CSMD3: variants seen among roughly 807,000 people sequenced by gnomAD.
The protein encoded by CSMD3 is CUB and sushi domain-containing protein 3.
In CSMD3, 177 loss-of-function variants were observed where a neutral mutation model predicts 435.2. The observed-to-expected ratio is 0.41, with a 90% CI of 0.36 to 0.46. The LOEUF is 0.46. CSMD3 is among the 20% of genes least tolerant of loss of function. The pLI, the probability that CSMD3 is intolerant of heterozygous loss-of-function variation, is 0.34. For missense variants in CSMD3, 4,265 were observed against 4,504.6 expected, an observed-to-expected ratio of 0.95 and a Z score of 1.52; for synonymous variants, 1,656 against 1,520.5, an observed-to-expected ratio of 1.09 and a Z score of -2.07.
At chr8:112,325,324 G>A (rs1420609128) in intron 45 of CSMD3, among the ~76,000 whole-genome samples, 1 of 151,940 alleles carries the variant, frequency 6.6e-6, no homozygotes, top group Non-Finnish European at 1.5e-5. Context: ...TCATTTTCTT[G>A]AAATCTATCT....
intron 1 of CSMD3, among the ~76,000 whole-genome samples, chr8:113,363,066 G>T (rs2094287897): frequency 6.6e-6 from 1 of 152,122 alleles, no homozygotes. Flanking sequence ...TCCTCAATGT[G>T]TGTGTAAACA....
At chr8:112,850,739 A>G (rs1427537553) in intron 11 of CSMD3, among the ~76,000 whole-genome samples, 1 of 152,190 alleles carries the variant, frequency 6.6e-6, no homozygotes, top group Non-Finnish European at 1.5e-5. Context: ...TTCACTTTCT[A>G]TGTCTACACA....
chr8:112,729,819 G>T (rs532421639), intron 13 of CSMD3, among the ~76,000 whole-genome samples: 51 of 152,178 alleles, frequency 3.4e-4, no homozygotes, highest in African/African-American at 1.1e-3. Context: ...ACTGGAAGAG[G>T]CAAGGAACTG....
chr8:112,861,366 T>C (rs139124748), intron 10 of CSMD3, among the ~76,000 whole-genome samples: 7 of 151,934 alleles, frequency 4.6e-5, no homozygotes, highest in Non-Finnish European at 8.8e-5. Context: ...TATAAAATTA[T>C]TCCTGTGAGG....
chr8:112,626,599 G>A (rs745891523), intron 22 of CSMD3, among the ~76,000 whole-genome samples: 1 of 151,988 alleles, frequency 6.6e-6, no homozygotes, highest in African/African-American at 2.4e-5. Context: ...ATATGATAAT[G>A]ACCTTTGTTC....
intron 1 of CSMD3, among the ~76,000 whole-genome samples, chr8:113,331,874 G>A (rs911157025): frequency 2.0e-5 from 3 of 151,668 alleles, no homozygotes; most frequent in African/African-American, 2.4e-5. Flanking sequence ...GGAACAGAAC[G>A]AGGATATTCA....
intron 28 of CSMD3, among the ~76,000 whole-genome samples, chr8:112,511,184 C>T (rs1185085144): frequency 6.6e-6 from 1 of 151,970 alleles, no homozygotes; most frequent in Non-Finnish European, 1.5e-5. Flanking sequence ...CTATTAAGTG[C>T]ATAACAGCAT....
chr8:112,995,337 A>G (rs1451240849), intron 6 of CSMD3, among the ~76,000 whole-genome samples: 1 of 151,498 alleles, frequency 6.6e-6, no homozygotes, highest in Admixed American at 6.6e-5. Flanking sequence ...TAGTTTTGGT[A>G]TAATAATGTG....
chr8:112,370,703 C>A (rs921888192), intron 38 of CSMD3, among the ~76,000 whole-genome samples: 1 of 150,044 alleles, frequency 6.7e-6, no homozygotes, highest in African/African-American at 2.4e-5. Context: ...TTATCCCTAG[C>A]ACTCCTGATC....
In CSMD3 at chr8:113,213,499, A is replaced by T. The variant is rs541799139; in HGVS notation, c.515-39583T>A. ...AAATAAAAACTTCACAGAAATTATTATTCTTTTGTGTGTTTTTTTTTTAGT... is the reference window on the plus strand; with the variant it reads ...AAATAAAAACTTCACAGAAATTATTTTTCTTTTGTGTGTTTTTTTTTTAGT... On this transcript the variant is annotated intron_variant, in intron 3 of 70. Transcript: ENST00000297405. Among the ~76,000 whole-genome samples the T allele has an allele frequency of 4.5e-4, 69 of 151,722 alleles. No individual in the cohort carries two copies. In the East Asian group the frequency reaches 0.012, roughly 27 times the overall value.
chr8:113,376,949 A>C, intron 1 of CSMD3: 2 of 1,370,508 alleles, frequency 1.5e-6, no homozygotes, highest in Admixed American at 4.0e-5. Flanking sequence ...CGGGTTCAGG[A>C]GGTGCCCAAA....
chr8:112,336,049 AC>A (rs1249844955), intron 44 of CSMD3, among the ~76,000 whole-genome samples: 5 of 151,946 alleles, frequency 3.3e-5, no homozygotes, highest in Non-Finnish European at 5.9e-5. Flanking sequence ...AATAGCTGGG[AC>A]CACAGGCGCA....
chr8:113,273,400 T>C (rs2093545546), intron 3 of CSMD3, among the ~76,000 whole-genome samples: 1 of 152,026 alleles, frequency 6.6e-6, no homozygotes, highest in South Asian at 2.1e-4. Flanking sequence ...ATAACCAAGA[T>C]CGGAAAATAT....
chr8:112,416,204 G>A (rs1207891836), intron 32 of CSMD3, among the ~76,000 whole-genome samples: 1 of 152,092 alleles, frequency 6.6e-6, no homozygotes, highest in Non-Finnish European at 1.5e-5. Flanking sequence ...TCATGAGGGT[G>A]GTTTCCCCAT....
At chr8:113,185,253 G>A (rs1421861913) in intron 3 of CSMD3, among the ~76,000 whole-genome samples, 2 of 151,798 alleles carry the variant, frequency 1.3e-5, no homozygotes, top group African/African-American at 2.4e-5. Flanking sequence ...TTCTTGTTTC[G>A]ATCACTTGTA....
chr8:113,315,695 TTAAA>T (rs2093904389), intron 1 of CSMD3, among the ~76,000 whole-genome samples: 1 of 148,242 alleles, frequency 6.7e-6, no homozygotes, highest in African/African-American at 2.5e-5. Context: ...CAAATGTATA[TTAAA>T]TATATATCAA....
chr8:112,339,232 C>G (rs1178870305), intron 42 of CSMD3, among the ~76,000 whole-genome samples: 3 of 151,926 alleles, frequency 2.0e-5, no homozygotes, highest in African/African-American at 7.2e-5. Context: ...ACCTTAGCCT[C>G]TGATTGGTTG....
At chr8:112,535,814 C>G (rs1353497361) in intron 27 of CSMD3, among the ~76,000 whole-genome samples, 1 of 152,180 alleles carries the variant, frequency 6.6e-6, no homozygotes, top group Admixed American at 6.5e-5. Context: ...GTACTGGTAA[C>G]AAAACAGAGA....
chr8:112,546,281 T>C (rs1586653472), intron 27 of CSMD3, among the ~76,000 whole-genome samples: 1 of 152,152 alleles, frequency 6.6e-6, no homozygotes, highest in Non-Finnish European at 1.5e-5. Context: ...AGAGAAGTGA[T>C]GTCCAATTTT....
Sources: allele counts gnomAD v4.1 joint callset (sites outside exome capture counted in the v4.1 genomes callset), GRCh38; gene constraint gnomAD v4.1.1; transcripts MANE v1.5; gene names NCBI Gene and HGNC (gene_info 2026-07-23, HGNC 2026-07-21).